Variants in DOCK3 observed in about 807,000 individuals in gnomAD.
DOCK3 encodes the protein dedicator of cytokinesis 3, also known as dedicator of cytokinesis protein 3.
In DOCK3, 60 loss-of-function variants were observed where a neutral mutation model predicts 265.6. The ratio of observed to expected loss-of-function variants is 0.23; its 90% CI spans 0.18 to 0.28. The LOEUF is 0.28. Ranked by LOEUF, DOCK3 falls within the 10% of genes least tolerant of loss-of-function variation. The probability of loss-of-function intolerance (pLI) is 1.00; values close to 1 mark genes in which losing one functional copy is unlikely to be tolerated. For synonymous variants in DOCK3, 881 were observed against 938.0 expected (o/e 0.94, Z 1.11); for missense variants, 1,981 against 2,594.3 (o/e 0.76, Z 5.14).
At chr3:50,893,344 C>A in intron 4 of DOCK3, 1 of 180,082 alleles carries the variant, frequency 5.6e-6, no homozygotes, top group Non-Finnish European at 1.2e-5. Context: ...AAATGAGTTA[C>A]AAGAGAATAC....
At chr3:50,800,754 A>G (rs2043026770) in intron 2 of DOCK3, among the ~76,000 whole-genome samples, 1 of 151,902 alleles carries the variant, frequency 6.6e-6, no homozygotes, top group Non-Finnish European at 1.5e-5. Flanking sequence ...GAGGTGCACC[A>G]TTAGGTTATA....
At chr3:51,150,107 A>G (rs1305494667) in intron 10 of DOCK3, among the ~76,000 whole-genome samples, 2 of 151,788 alleles carry the variant, frequency 1.3e-5, no homozygotes, top group Non-Finnish European at 2.9e-5. Flanking sequence ...TTTCTTCTAG[A>G]TTTTCTAGTT....
chr3:50,804,209 C>T (rs1205194218), intron 2 of DOCK3, among the ~76,000 whole-genome samples: 2 of 151,868 alleles, frequency 1.3e-5, no homozygotes, highest in Non-Finnish European at 2.9e-5. Context: ...CTCCTCACTT[C>T]CTAGATAGGA....
At chr3:50,969,641 T>C in intron 5 of DOCK3, among the ~76,000 whole-genome samples, 1 of 152,342 alleles carries the variant, frequency 6.6e-6, no homozygotes, top group East Asian at 1.9e-4. Context: ...TGTTTAGAAC[T>C]CTGTTGAACA....
intron 25 of DOCK3, among the ~76,000 whole-genome samples, chr3:51,277,219 A>C (rs981304331): frequency 2.4e-4 from 36 of 152,346 alleles, no homozygotes; most frequent in African/African-American, 8.2e-4. Flanking sequence ...ATTTGTCACC[A>C]TTTCTCAAAC....
Position 51,151,915 on chromosome 3 carries a change from G to A in DOCK3, c.828+5285G>A, listed in dbSNP as rs559212968. Among the ~76,000 whole-genome samples the A allele has an allele frequency of 7.9e-5, 12 of 152,140 alleles. No individual in the cohort carries two copies. In the South Asian group the frequency reaches 1.2e-3, roughly 16 times the overall value. The stretch of plus-strand genomic sequence containing the variant: ...GTGGGTAACCTGACTTTTCTCTCTC[G>A]CTGCCCTTAACATTTTTTCCTTCAT... On this transcript the variant is annotated intron_variant, in intron 10 of 52. Transcript: ENST00000266037.
intron 5 of DOCK3, among the ~76,000 whole-genome samples, chr3:50,968,067 G>GGA (rs879465094): frequency 2.6e-5 from 4 of 152,174 alleles, no homozygotes; most frequent in Admixed American, 2.0e-4. Context: ...TTCTAACTGA[G>GGA]GAGAGATGAT....
chr3:51,297,986 A>G lies in DOCK3; in HGVS notation c.2923-12246A>G, dbSNP rs186922452. Among the ~76,000 whole-genome samples, 259 of 152,196 alleles carry G rather than the reference A, an allele frequency of 1.7e-3. 1 individual carries two copies. The highest frequency in any genetic ancestry group is 2.8e-3 in the Non-Finnish European group (190 of 68,016). On this transcript the variant is annotated intron_variant, in intron 27 of 52. Transcript: ENST00000266037. ...GGGCAACAGAGTGAGACCCCATCTC[A>G]AAAACAAAAAAAGAGTAGATATAAT... is the stretch of plus-strand genomic sequence containing the variant.
chr3:50,783,114 T>G (rs188505501), intron 2 of DOCK3, among the ~76,000 whole-genome samples: 13 of 152,256 alleles, frequency 8.5e-5, no homozygotes, highest in Non-Finnish European at 1.9e-4. Flanking sequence ...TTTTTGCAGT[T>G]GCGAATTGTG....
In DOCK3 at chr3:50,969,266, T is replaced by A. The variant is rs574347246; in HGVS notation, c.315+35189T>A. Among the ~76,000 whole-genome samples the A allele has an allele frequency of 7.9e-5, 12 of 152,314 alleles. No individual in the cohort carries two copies. The South Asian group carries it at 2.5e-3, about 32-fold the overall frequency. On this transcript the variant is annotated intron_variant, in intron 5 of 52. Transcript: ENST00000266037. ...TTTTTCTATTGTTGTTGATTTGAAGTCTTTTTTATCTAATATAAATATAGC... is the reference window on the plus strand; with the variant it reads ...TTTTTCTATTGTTGTTGATTTGAAGACTTTTTTATCTAATATAAATATAGC...
intron 4 of DOCK3, among the ~76,000 whole-genome samples, chr3:50,926,850 C>T (rs1324620867): frequency 6.6e-6 from 1 of 152,190 alleles, no homozygotes; most frequent in Non-Finnish European, 1.5e-5. Flanking sequence ...TGTTACAGCA[C>T]CACCTTCTAA....
intron 4 of DOCK3, chr3:50,901,504 G>C: frequency 2.6e-6 from 1 of 389,432 alleles, no homozygotes; most frequent in Non-Finnish European, 5.2e-6. Context: ...TGGCGTTCCA[G>C]GCACCACCGG....
chr3:50,787,168 C>G (rs1319113124), intron 2 of DOCK3: 2 of 651,258 alleles, frequency 3.1e-6, no homozygotes, highest in African/African-American at 3.6e-5. Context: ...AGCTCACTTT[C>G]CAGGACAAAC....
At chr3:50,788,980 C>T (rs1022290854) in intron 2 of DOCK3, among the ~76,000 whole-genome samples, 1 of 152,016 alleles carries the variant, frequency 6.6e-6, no homozygotes, top group Non-Finnish European at 1.5e-5. Context: ...GTTTCCATTT[C>T]ATTTAGTTCT....
chr3:51,088,871 T>C (rs955437062), intron 7 of DOCK3, among the ~76,000 whole-genome samples: 2 of 152,184 alleles, frequency 1.3e-5, no homozygotes, highest in African/African-American at 4.8e-5. Context: ...AAAGGCATCA[T>C]TGTGGAAAGT....
chr3:51,058,559 T>A (rs1281761064), intron 5 of DOCK3, among the ~76,000 whole-genome samples: 4 of 152,250 alleles, frequency 2.6e-5, no homozygotes, highest in Admixed American at 2.6e-4. Context: ...TATATGTACA[T>A]GTATATGCAT....
At position 50,925,906 on chromosome 3, in the gene DOCK3, A is replaced by G. The variant is rs140970658; in HGVS notation, c.219-8075A>G. On this transcript the variant is annotated intron_variant, in intron 4 of 52. Coordinates refer to ENST00000266037, the MANE Select transcript of DOCK3 (RefSeq NM_004947.5). Reference sequence around the variant, plus strand: ...AGTGCAAATGACACAATCTTGGCTTACTGCTACCTCTGCCTCCCGGGTTCA... The same window carrying G: ...AGTGCAAATGACACAATCTTGGCTTGCTGCTACCTCTGCCTCCCGGGTTCA... 2.0e-3 allele frequency among the ~76,000 whole-genome samples: 272 copies of G among 135,698 alleles called. 3 individuals carry two copies. The highest frequency in any genetic ancestry group is 6.8e-3 in the African/African-American group (242 of 35,728). The allele number at this position is 135,698 out of a possible 152,430, so 89.0% of individuals were successfully genotyped here.
chr3:50,715,700 GC>G (rs2037063926), intron 1 of DOCK3, among the ~76,000 whole-genome samples: 1 of 152,174 alleles, frequency 6.6e-6, no homozygotes, highest in Non-Finnish European at 1.5e-5. Flanking sequence ...GCAGCTGACT[GC>G]CCATAGTTCC....
At chr3:51,097,303 C>G (rs2082896628) in intron 9 of DOCK3, among the ~76,000 whole-genome samples, 1 of 152,168 alleles carries the variant, frequency 6.6e-6, no homozygotes, top group South Asian at 2.1e-4. Flanking sequence ...AGATGCCCTT[C>G]CCAGAGTGGA....
Sources: allele counts gnomAD v4.1 joint callset (sites outside exome capture counted in the v4.1 genomes callset), GRCh38; gene constraint gnomAD v4.1.1; transcripts MANE v1.5; gene names NCBI Gene and HGNC (gene_info 2026-07-23, HGNC 2026-07-21).